The following GRIK4 variants were observed in gnomAD, a reference collection of about 807,000 sequenced individuals.
GRIK4 encodes glutamate receptor ionotropic, kainate 4.
A neutral mutation model predicts 104.9 loss-of-function variants in GRIK4; 40 were observed. That is an observed-to-expected ratio of 0.38 (90% CI 0.30 to 0.50). GRIK4 has a LOEUF of 0.50. Ranked by LOEUF, GRIK4 falls within the 20% of genes least tolerant of loss-of-function variation. The pLI, the probability that GRIK4 is intolerant of heterozygous loss-of-function variation, is 0.93. For synonymous variants in GRIK4, 485 were observed against 524.9 expected (o/e 0.92, Z 1.04); for missense variants, 1,047 against 1,308.1 (o/e 0.80, Z 3.08).
At position 120,957,591 on chromosome 11, in the gene GRIK4, A is replaced by ATTGTGTGTGTGTGTGTGTGTG. The variant is rs553062830; in HGVS notation, c.1874+639_1874+640insTGTGTGTGTGTGTGTGTGTGT. Among the ~76,000 whole-genome samples the ATTGTGTGTGTGTGTGTGTGTG allele has an allele frequency of 5.1e-3, 701 of 136,516 alleles. 7 individuals are homozygous for ATTGTGTGTGTGTGTGTGTGTG. Among genetic ancestry groups the ATTGTGTGTGTGTGTGTGTGTG allele is most frequent in the Admixed American group, 8.1e-3 (114 of 14,096 alleles). The allele number at this position is 136,516 out of a possible 152,430, so 89.6% of individuals were successfully genotyped here. On this transcript the variant is annotated intron_variant, in intron 16 of 20. Transcript: ENST00000527524. ...TGGGGGCAAAGGAAAGACAAAACAA[A>ATTGTGTGTGTGTGTGTGTGTG]TGTGTGTGTGTGTGTGTGTGTGTGT...
chr11:120,760,462 T>A (rs958730875), intron 3 of GRIK4, among the ~76,000 whole-genome samples: 7 of 150,456 alleles, frequency 4.7e-5, no homozygotes, highest in Non-Finnish European at 1.0e-4. Context: ...TCTTTTTTAT[T>A]ATACTTTAAG....
chr11:120,940,618 T>A lies in GRIK4; in HGVS notation c.1590+158T>A, dbSNP rs76301592. On this transcript the variant is annotated intron_variant, in intron 14 of 20. Coordinates refer to ENST00000527524, the MANE Select transcript of GRIK4 (RefSeq NM_014619.5). This position sits in a 1 kb window ranked among gnomAD's most constrained non-coding sequence, Gnocchi z 4.3. ...TTTTTCTCCTATCATCTGCACGAAC[T>A]TGCAAACTGAAGGGATGGAAAAGTC... Among the ~76,000 whole-genome samples the A allele has an allele frequency of 6.6e-6, 1 of 152,348 alleles. No individual in the cohort carries two copies. The highest frequency in any genetic ancestry group is 1.9e-4 in the East Asian group (1 of 5,184).
chr11:120,935,047 G>A (rs574331707), intron 13 of GRIK4, among the ~76,000 whole-genome samples: 3 of 152,264 alleles, frequency 2.0e-5, no homozygotes, highest in South Asian at 4.1e-4. Flanking sequence ...TCCTCAGAGC[G>A]TTCAATACTG....
intron 3 of GRIK4, among the ~76,000 whole-genome samples, chr11:120,695,034 C>T (rs1218345995): frequency 1.3e-5 from 2 of 152,198 alleles, no homozygotes; most frequent in Non-Finnish European, 2.9e-5. Context: ...CAGCCTCAGC[C>T]AGTCCTGCTG....
intron 12 of GRIK4, among the ~76,000 whole-genome samples, chr11:120,901,466 C>G (rs756917213): frequency 5.9e-5 from 9 of 152,206 alleles, no homozygotes; most frequent in South Asian, 2.1e-4. Flanking sequence ...TCCCACGAAG[C>G]CTTCCCTGCT....
At chr11:120,649,101 G>A (rs1949581894) in intron 1 of GRIK4, among the ~76,000 whole-genome samples, 1 of 152,178 alleles carries the variant, frequency 6.6e-6, no homozygotes, top group Non-Finnish European at 1.5e-5. Context: ...AATTCCGAGA[G>A]ACTATTCTGA....
chr11:120,521,870 G>A (rs945158573), intron 1 of GRIK4, among the ~76,000 whole-genome samples: 5 of 152,126 alleles, frequency 3.3e-5, no homozygotes, highest in Non-Finnish European at 7.4e-5. Flanking sequence ...ATCCTGCCTC[G>A]GCTGCTGCCG....
In GRIK4 at chr11:120,939,408, A is replaced by G. The variant is rs1943669538; in HGVS notation, c.1477-939A>G. Among the ~76,000 whole-genome samples, 1 of 152,194 alleles carries G rather than the reference A, an allele frequency of 6.6e-6. No homozygotes were observed. Among genetic ancestry groups the G allele is most frequent in the African/African-American group, 2.4e-5 (1 of 41,446 alleles). On this transcript the variant is annotated intron_variant, in intron 13 of 20. Transcript: ENST00000527524. This position sits in a 1 kb window ranked among gnomAD's most constrained non-coding sequence, Gnocchi z 5.6. ...CCAGAAACTCTTCTTCGGGTCTGCT[A>G]ATGACATCTGAAGTTTCACCTGGAC...
chr11:120,660,511 G>T, intron 3 of GRIK4, 111 bp downstream of exon 3: 2 of 772,758 alleles, frequency 2.6e-6, no homozygotes, highest in South Asian at 3.3e-5. Context: ...CGTGCACTGT[G>T]CCCTCCCTGA....
intron 19 of GRIK4, among the ~76,000 whole-genome samples, chr11:120,968,329 T>G (rs921670910): frequency 4.6e-5 from 7 of 152,228 alleles, no homozygotes; most frequent in Non-Finnish European, 1.0e-4. Flanking sequence ...CAAAGTGTCC[T>G]GGTTTAGACA....
At chr11:120,923,418 T>G (rs1464023022) in intron 13 of GRIK4, among the ~76,000 whole-genome samples, 1 of 143,846 alleles carries the variant, frequency 7.0e-6, no homozygotes, top group Admixed American at 6.9e-5. Flanking sequence ...TTTTTTTTTT[T>G]TTTTTTTTTT....
At chr11:120,904,270 G>A (rs567815080) in intron 12 of GRIK4, among the ~76,000 whole-genome samples, 1 of 152,214 alleles carries the variant, frequency 6.6e-6, no homozygotes, top group East Asian at 1.9e-4. Flanking sequence ...GATTCAACCT[G>A]TTCCAAATCC....
intron 20 of GRIK4, among the ~76,000 whole-genome samples, chr11:120,983,422 G>T (rs1320883316): frequency 6.6e-6 from 1 of 152,156 alleles, no homozygotes; most frequent in Non-Finnish European, 1.5e-5. Flanking sequence ...GATGCTTAAA[G>T]GTCTGACCCC....
chr11:120,521,633 G>A (rs749439234), intron 1 of GRIK4, among the ~76,000 whole-genome samples: 7 of 152,156 alleles, frequency 4.6e-5, no homozygotes, highest in Non-Finnish European at 8.8e-5. Flanking sequence ...CAGTTTGTGC[G>A]GTGGTAGAGG....
At chr11:120,813,234 G>C (rs1235364342) in intron 4 of GRIK4, among the ~76,000 whole-genome samples, 7 of 152,166 alleles carry the variant, frequency 4.6e-5, no homozygotes, top group African/African-American at 7.2e-5. Context: ...CTTGAATCCA[G>C]ATGCCAACTC....
intron 1 of GRIK4, among the ~76,000 whole-genome samples, chr11:120,623,485 C>G (rs568276099): frequency 1.3e-5 from 2 of 152,290 alleles, no homozygotes; most frequent in East Asian, 3.9e-4. Context: ...CCCATGCTCT[C>G]TGACACAAGA....
At chr11:120,600,860 T>G (rs1454463788) in intron 1 of GRIK4, among the ~76,000 whole-genome samples, 1 of 151,584 alleles carries the variant, frequency 6.6e-6, no homozygotes, top group Non-Finnish European at 1.5e-5. Context: ...GCCAGGAGTT[T>G]GAGACCAGCC....
intron 13 of GRIK4, among the ~76,000 whole-genome samples, chr11:120,925,661 G>A: frequency 6.6e-6 from 1 of 152,218 alleles, no homozygotes; most frequent in East Asian, 1.9e-4. Context: ...ATCAATAAAG[G>A]GTGCATTTGG....
intron 1 of GRIK4, among the ~76,000 whole-genome samples, chr11:120,602,228 A>G (rs546764906): frequency 7.2e-5 from 11 of 152,116 alleles, no homozygotes; most frequent in Non-Finnish European, 1.6e-4. Context: ...CCCCCCTTCT[A>G]GTTTCTCTAA....
Sources: allele counts gnomAD v4.1 joint callset (sites outside exome capture counted in the v4.1 genomes callset), GRCh38; gene constraint gnomAD v4.1.1; non-coding constraint Gnocchi (gnomAD v3.1); transcripts MANE v1.5; gene names NCBI Gene and HGNC (gene_info 2026-07-23, HGNC 2026-07-21).